ZDHHC11B: variants seen among roughly 807,000 people sequenced by gnomAD.
ZDHHC11B encodes the protein zDHHC palmitoyltransferase 11B (putative).
Under a neutral mutation model 42.3 loss-of-function variants are expected in ZDHHC11B, and 17 were observed. The ratio of observed to expected loss-of-function variants is 0.40; its 90% CI spans 0.27 to 0.60. The LOEUF (loss-of-function observed/expected upper bound fraction) is 0.60, where lower values mean the gene tolerates loss of function less well. Among genes scored for constraint, ZDHHC11B ranks in the 20% least tolerant of loss-of-function variants. The pLI is 0.41. For missense variants in ZDHHC11B, 262 were observed against 463.2 expected, an observed-to-expected ratio of 0.57 and a Z score of 3.99; for synonymous variants, 123 against 193.5, an observed-to-expected ratio of 0.64 and a Z score of 3.02.
chr5:722,200 T>C (rs1742242810), intron 12 of ZDHHC11B, among the ~76,000 whole-genome samples: 1 of 151,902 alleles, frequency 6.6e-6, no homozygotes, highest in Non-Finnish European at 1.5e-5. Context: ...ACAATATGTA[T>C]AAACATGACT....
intron 1 of ZDHHC11B, among the ~76,000 whole-genome samples, chr5:774,880 C>T: frequency 6.6e-6 from 1 of 152,124 alleles, no homozygotes; most frequent in East Asian, 1.9e-4. Flanking sequence ...CCCTTGTTCA[C>T]TGCCCACGCC....
At chr5:719,409 T>G (rs1742016494) in intron 12 of ZDHHC11B, among the ~76,000 whole-genome samples, 1 of 151,654 alleles carries the variant, frequency 6.6e-6, no homozygotes. Flanking sequence ...CTAAAGGAAG[T>G]CACTGACAAC....
chr5:720,605 G>A (rs1250910140), intron 12 of ZDHHC11B, among the ~76,000 whole-genome samples: 3 of 151,844 alleles, frequency 2.0e-5, no homozygotes, highest in Non-Finnish European at 4.4e-5. Context: ...CATTGGTAAA[G>A]AAATAAAGAA....
chr5:732,144 C>T (rs1743064585), intron 11 of ZDHHC11B: 1 of 157,288 alleles, frequency 6.4e-6, no homozygotes, highest in Admixed American at 6.4e-5. Context: ...CAGGGCTGTG[C>T]CACGGACTTG....
chr5:759,031 T>C (rs924466905), intron 4 of ZDHHC11B, among the ~76,000 whole-genome samples: 1 of 152,032 alleles, frequency 6.6e-6, no homozygotes, highest in East Asian at 1.9e-4. Flanking sequence ...TTTTCTCTGC[T>C]TCTACTTTCA....
intron 11 of ZDHHC11B, chr5:732,587 A>C (rs1419977468): frequency 2.3e-6 from 1 of 442,772 alleles, no homozygotes; most frequent in African/African-American, 2.0e-5. Context: ...CTGTTCCTCC[A>C]GGTTGGGTGA....
chr5:723,612 A>T (rs568733338), intron 12 of ZDHHC11B, among the ~76,000 whole-genome samples: 1 of 111,080 alleles, frequency 9.0e-6, no homozygotes, highest in East Asian at 2.2e-4. Context: ...ACAGGATCAG[A>T]CGCAGGTCCT....
intron 4 of ZDHHC11B, among the ~76,000 whole-genome samples, chr5:760,464 G>C (rs1734454803): frequency 6.6e-6 from 1 of 151,666 alleles, no homozygotes; most frequent in Non-Finnish European, 1.5e-5. Flanking sequence ...GCTTCAGGGG[G>C]AGCAGTGTGC....
In ZDHHC11B at chr5:737,831, C is replaced by G. The variant is rs1248671873; in HGVS notation, c.935+3763G>C. Among the ~76,000 whole-genome samples, 4 of 146,162 alleles carry G rather than the reference C, an allele frequency of 2.7e-5. 1 individual carries two copies. The highest frequency in any genetic ancestry group is 6.0e-5 in the Non-Finnish European group (4 of 67,012). On this transcript the variant is annotated intron_variant, in intron 10 of 13. Transcript: ENST00000508859. ...GTAATAAAAGCCCTCTATGACAAAC[C>G]CACAGCCAACATTATACTGAATGGG...
chr5:717,005 G>C (rs1741802550), intron 12 of ZDHHC11B, 140 bp from the exon 13 acceptor site: 2 of 1,278,606 alleles, frequency 1.6e-6, no homozygotes, highest in African/African-American at 1.4e-5. Flanking sequence ...TCACCTCTCT[G>C]AGTTTCAGAG....
chr5:730,872 A>G (rs1325323286), intron 11 of ZDHHC11B, among the ~76,000 whole-genome samples: 3 of 151,886 alleles, frequency 2.0e-5, no homozygotes, highest in Admixed American at 6.6e-5. Context: ...GACACAGAGA[A>G]CAGGTGGCCG....
chr5:777,554 G>A (rs1172264073), intron 1 of ZDHHC11B, among the ~76,000 whole-genome samples: 2 of 151,902 alleles, frequency 1.3e-5, no homozygotes, highest in South Asian at 2.1e-4. Context: ...TCAGGTTGCG[G>A]CAGGGCGTTC....
chr5:777,547 G>T (rs542789719), intron 1 of ZDHHC11B, among the ~76,000 whole-genome samples: 1 of 151,886 alleles, frequency 6.6e-6, no homozygotes, highest in African/African-American at 2.4e-5. Flanking sequence ...AATGGAGTCA[G>T]GTTGCGGCAG....
chr5:732,093 C>A (rs1440707689), intron 11 of ZDHHC11B: 1 of 152,524 alleles, frequency 6.6e-6, no homozygotes, highest in Non-Finnish European at 1.5e-5. Flanking sequence ...TGGGCCCACT[C>A]GAAGGGGAGG....
At chr5:765,627 A>G (rs746933707) in intron 4 of ZDHHC11B, among the ~76,000 whole-genome samples, 30 of 151,840 alleles carry the variant, frequency 2.0e-4, no homozygotes, top group Non-Finnish European at 3.8e-4. Flanking sequence ...ACATTGTGGA[A>G]GTTTTGTTCT....
At chr5:724,240 C>G (rs1407533132) in intron 12 of ZDHHC11B, among the ~76,000 whole-genome samples, 11 of 149,694 alleles carry the variant, frequency 7.3e-5, no homozygotes, top group African/African-American at 2.7e-4. Flanking sequence ...TAGTCTCACT[C>G]TGTCACCCAG....
At chr5:747,648 C>T (rs1245382823) in intron 8 of ZDHHC11B, 1 of 163,630 alleles carries the variant, frequency 6.1e-6, no homozygotes, top group African/African-American at 2.4e-5. Flanking sequence ...CCCCTCTGCC[C>T]TGACTAGGCG....
chr5:760,071 G>T (rs1449514284), intron 4 of ZDHHC11B, among the ~76,000 whole-genome samples: 2 of 151,840 alleles, frequency 1.3e-5, no homozygotes, highest in Non-Finnish European at 2.9e-5. Context: ...GGAGTGGGGG[G>T]TACAGGGGAG....
At chr5:736,609 A>T (rs1743548443) in intron 10 of ZDHHC11B, among the ~76,000 whole-genome samples, 1 of 144,508 alleles carries the variant, frequency 6.9e-6, no homozygotes. Context: ...AGTCAGAATT[A>T]CATCAAGTAT....
Sources: gnomAD v4.1 joint callset for allele counts (sites outside exome capture counted in the v4.1 genomes callset) on GRCh38, gnomAD v4.1.1 for gene constraint, MANE v1.5 for transcripts, NCBI Gene and HGNC (gene_info 2026-07-23, HGNC 2026-07-21) for gene names.